Variants in RYR1 observed in about 807,000 individuals in gnomAD.
RYR1 encodes the protein ryanodine receptor 1.
RYR1 carries 342 observed loss-of-function variants against 583.5 expected under a neutral mutation model. The observed-to-expected ratio is 0.59, with a 90% CI of 0.54 to 0.64. The LOEUF is 0.64. RYR1 is among the 30% of genes least tolerant of loss of function. RYR1 has a pLI of 0.00. For synonymous variants in RYR1, 2,791 were observed against 2,822.5 expected (o/e 0.99, Z 0.35); for missense variants, 6,032 against 6,917.2 (o/e 0.87, Z 4.54).
chr19:38,502,762 C>T (rs772708559), intron 48 of RYR1, 35 bp downstream of exon 48: 3 of 487,494 alleles, frequency 6.2e-6, no homozygotes, highest in African/African-American at 5.7e-5. Context: ...GGGGCAGGGG[C>T]AGGGGCAGGG....
intron 105 of RYR1, 85 bp from the exon 106 acceptor site, chr19:38,587,240 A>G: frequency 1.1e-6 from 1 of 936,920 alleles, no homozygotes; most frequent in Non-Finnish European, 1.7e-6. Context: ...GCAACAGAGC[A>G]ACACCCTGTC....
chr19:38,450,870 T>C (rs1055791518), intron 11 of RYR1, among the ~76,000 whole-genome samples: 21 of 152,192 alleles, frequency 1.4e-4, no homozygotes, highest in Non-Finnish European at 2.5e-4. Flanking sequence ...CATTCCCCCA[T>C]GCAAGCTTGT....
intron 97 of RYR1, 48 bp downstream of exon 97, chr19:38,576,009 C>T (rs1973942655): frequency 6.2e-7 from 1 of 1,603,932 alleles, no homozygotes; most frequent in South Asian, 1.1e-5. Flanking sequence ...CCCTGCCTGC[C>T]ACCAGGCCAT....
intron 38 of RYR1, among the ~76,000 whole-genome samples, chr19:38,493,708 C>T (rs1243133418): frequency 5.3e-5 from 8 of 151,868 alleles, no homozygotes; most frequent in African/African-American, 1.9e-4. Flanking sequence ...TTAGTAGAGA[C>T]GGGGCTTCAC....
chr19:38,508,798 T>C (rs946229952), intron 58 of RYR1, among the ~76,000 whole-genome samples: 1 of 151,914 alleles, frequency 6.6e-6, no homozygotes, highest in African/African-American at 2.4e-5. Flanking sequence ...ATGAGGACTT[T>C]GACCTTACCT....
At chr19:38,581,347 G>A (rs1974199440) in intron 101 of RYR1, among the ~76,000 whole-genome samples, 1 of 152,184 alleles carries the variant, frequency 6.6e-6, no homozygotes, top group Non-Finnish European at 1.5e-5. Flanking sequence ...AAAGTGCTGG[G>A]ATTACAGGCA....
In RYR1 at chr19:38,473,766, G is replaced by A. The variant is rs2145485484; in HGVS notation, c.4155G>A (p.Lys1385=). The A allele has an allele frequency of 2.0e-6, 3 of 1,527,024 alleles. No homozygotes were observed. Among genetic ancestry groups the A allele is most frequent in the Non-Finnish European group, 1.8e-6 (2 of 1,135,728 alleles). The allele number at this position is 1,527,024 out of a possible 1,614,324, so 94.6% of individuals were successfully genotyped here. The change falls in exon 28 of 106, where the codon AAG becomes AAA. Residue 1385 remains lysine (K), a synonymous_variant. Transcript: ENST00000359596. ...ATGCCACCACCGAGAAGAACAAGAA[G>A]AGAGGGTGAGTCGAGGGGGGCCCAG... is the stretch of plus-strand genomic sequence containing the variant. The part of the protein sequence containing the change: ...EKDATTEKNK[K]RGFLFKAKKV...
intron 69 of RYR1, chr19:38,523,534 TTCTCTCA>T: frequency 1.6e-6 from 1 of 614,786 alleles, no homozygotes; most frequent in South Asian, 1.9e-5. Flanking sequence ...CATCTCCCTC[TTCTCTCA>T]TCTCTGTCTC....
chr19:38,440,764 A>G lies in RYR1; in HGVS notation c.65A>G (p.Gln22Arg). ...CCGCAGGACGATGAGGTGGTCCTGC[A>G]GTGCAGCGCTACCGTGCTCAAGGAG... ...FLRTDDEVVLQCSATVLKEQL... is the reference protein window; with the variant it reads ...FLRTDDEVVLRCSATVLKEQL... Residue 22 changes from glutamine to arginine, a missense_variant, in exon 2 of 106, where the codon CAG (glutamine) becomes CGG (arginine). Physicochemically the swap from Gln to Arg is conservative, Grantham distance 43 (BLOSUM62 1). Transcript: ENST00000359596. 6.2e-7 allele frequency: 1 copy of G among 1,607,740 alleles called. No homozygotes were observed. Among genetic ancestry groups the G allele is most frequent in the Non-Finnish European group, 8.5e-7 (1 of 1,177,560 alleles).
intron 78 of RYR1, among the ~76,000 whole-genome samples, chr19:38,533,273 C>T (rs967767059): frequency 1.3e-5 from 2 of 152,116 alleles, no homozygotes; most frequent in Non-Finnish European, 2.9e-5. Context: ...TGCAATTCAC[C>T]GATCCATTCA....
rs1186571491 is a variant in RYR1, at chr19:38,500,516, C to A, written c.7324-90C>A. On this transcript the variant is annotated intron_variant, in intron 45 of 105. Transcript: ENST00000359596. This position sits in a 1 kb window ranked among gnomAD's most constrained non-coding sequence, Gnocchi z 5.9. ...CTCCTGAGAAAGAGGCCTGCTCTAC[C>A]CTCCTGTGTGGTAAGGGAGGGAGCA... is the stretch of plus-strand genomic sequence containing the variant. 1 of 1,574,212 alleles carries A rather than the reference C, an allele frequency of 6.4e-7. No individual in the cohort carries two copies. Among genetic ancestry groups the A allele is most frequent in the African/African-American group, 1.4e-5 (1 of 74,072 alleles).
chr19:38,506,711 C>T (rs1429039420), intron 56 of RYR1, 118 bp from the exon 57 acceptor site: 2 of 1,523,084 alleles, frequency 1.3e-6, no homozygotes, highest in Admixed American at 1.9e-5. Context: ...GCAATGTTTC[C>T]GTTATTCGTA....
intron 16 of RYR1, among the ~76,000 whole-genome samples, chr19:38,456,677 A>C (rs1041369847): frequency 6.6e-6 from 1 of 152,162 alleles, no homozygotes; most frequent in African/African-American, 2.4e-5. Context: ...ATAGCCCTAC[A>C]AGTTCCTGTT....
At chr19:38,502,760 G>GGCAGGGGCAGGA (rs1970209146) in intron 48 of RYR1, 33 bp downstream of exon 48, 6 of 615,852 alleles carry the variant, frequency 9.7e-6, no homozygotes, top group African/African-American at 3.2e-5. Context: ...GTGGGGCAGG[G>GGCAGGGGCAGGA]GCAGGGGCAG....
At position 38,444,063 on chromosome 19, in the gene RYR1, G is replaced by C; in HGVS notation, c.425-86G>C. 8.5e-7 allele frequency: 1 copy of C among 1,171,376 alleles called. No individual in the cohort carries two copies. Among genetic ancestry groups the C allele is most frequent in the Non-Finnish European group, 1.3e-6 (1 of 778,952 alleles). 72.6% of individuals were successfully genotyped at this position (1,171,376 alleles called of 1,614,324 possible). A position where few individuals can be genotyped will look rare whatever the true frequency, so the allele number is the denominator to read the frequency against. ...GGAGAGTTGTGGGCCAAGGGCCCGG[G>C]AGGCCTGGTGGAGGGAGAGCCCTGG... On this transcript the variant is annotated intron_variant, in intron 5 of 105. Transcript: ENST00000359596. This position sits in a 1 kb window ranked among gnomAD's most constrained non-coding sequence, Gnocchi z 5.1.
At chr19:38,441,400 G>A (rs566288001) in intron 2 of RYR1, among the ~76,000 whole-genome samples, 3 of 151,340 alleles carry the variant, frequency 2.0e-5, no homozygotes, top group South Asian at 2.1e-4. Flanking sequence ...GGAGGCCCTC[G>A]GCGGGGGCGG....
chr19:38,460,544 T>C lies in RYR1; in HGVS notation c.2530T>C (p.Cys844Arg). 1 of 1,613,956 alleles carries C rather than the reference T, an allele frequency of 6.2e-7. No individual in the cohort carries two copies. The highest frequency in any genetic ancestry group is 8.5e-7 in the Non-Finnish European group (1 of 1,180,040). Residue 844 changes from cysteine (C) to arginine (R), a missense_variant, in exon 20 of 106, where the codon TGC becomes CGC. Coordinates refer to ENST00000359596, the MANE Select transcript of RYR1 (RefSeq NM_000540.3). ...GCCTCACCTGGTGGGCCCCAGTCGC[T>C]GCCTCTCACACACCGACTTCGTGCC... ...RGPHLVGPSR[C>R]LSHTDFVPCP...
At chr19:38,534,081 A>G (rs4802578) in intron 78 of RYR1, among the ~76,000 whole-genome samples, 3,291 of 144,320 alleles carry the variant, frequency 0.023, 86 homozygotes, top group Admixed American at 0.077. Flanking sequence ...GCGTGATCTC[A>G]GCTCACTGCA....
At chr19:38,585,572 C>T (rs1419591931) in intron 102 of RYR1, among the ~76,000 whole-genome samples, 1 of 151,466 alleles carries the variant, frequency 6.6e-6, no homozygotes, top group Non-Finnish European at 1.5e-5. Context: ...CTCCCAGGTT[C>T]AAGCGATTCT....
Sources: gnomAD v4.1 joint callset for allele counts (sites outside exome capture counted in the v4.1 genomes callset) on GRCh38, gnomAD v4.1.1 for gene constraint, Gnocchi (gnomAD v3.1) non-coding constraint, MANE v1.5 for transcripts, NCBI Gene and HGNC (gene_info 2026-07-23, HGNC 2026-07-21) for gene names.